Variants in PKHD1 observed in about 807,000 individuals in gnomAD.
PKHD1 encodes fibrocystin.
In PKHD1, 291 loss-of-function variants were observed where a neutral mutation model predicts 412.0. The ratio of observed to expected loss-of-function variants is 0.71; its 90% CI spans 0.64 to 0.78. The LOEUF is 0.78. Among genes scored for constraint, PKHD1 ranks in the 30% least tolerant of loss-of-function variants. The pLI is 0.00. For synonymous variants in PKHD1, 1,777 were observed against 1,821.5 expected (o/e 0.98, Z 0.62); for missense variants, 4,825 against 4,950.7 (o/e 0.97, Z 0.76).
At chr6:51,981,304 GC>G (rs1795117132) in intron 35 of PKHD1, among the ~76,000 whole-genome samples, 2 of 22,008 alleles carry the variant, frequency 9.1e-5, no homozygotes, top group Non-Finnish European at 3.0e-4. Context: ...AGGCTCCAAA[GC>G]TCAAGCTCTC....
intron 36 of PKHD1, among the ~76,000 whole-genome samples, chr6:51,950,138 A>T (rs1790087376): frequency 6.7e-6 from 1 of 149,470 alleles, no homozygotes; most frequent in Non-Finnish European, 1.5e-5. Flanking sequence ...AGAATCAGAC[A>T]CCTCCCCAGA....
chr6:51,888,988 G>A (rs1010735395), intron 43 of PKHD1, among the ~76,000 whole-genome samples: 1 of 151,894 alleles, frequency 6.6e-6, no homozygotes, highest in African/African-American at 2.4e-5. Context: ...CTCTCAGTCT[G>A]AGTGGTTGTC....
intron 62 of PKHD1, 21 bp from the exon 63 acceptor site, chr6:51,648,139 AG>A (rs1770370253): frequency 1.5e-6 from 2 of 1,356,974 alleles, no homozygotes; most frequent in Non-Finnish European, 2.1e-6. Flanking sequence ...GAATAGGAGG[AG>A]GGAGGAAGAA....
In PKHD1 at chr6:51,959,858, A is replaced by G. The variant is rs1791734140; in HGVS notation, c.5908+12T>C. The G allele has an allele frequency of 6.2e-7, 1 of 1,610,902 alleles. No individual in the cohort carries two copies. Among genetic ancestry groups the G allele is most frequent in the East Asian group, 2.2e-5 (1 of 44,844 alleles). The stretch of plus-strand genomic sequence containing the variant: ...TATAGAATAATATTACCAACCTACA[A>G]ACTTCACACACCTTTAATGTGCAGT... On this transcript the variant is annotated intron_variant, in intron 36 of 66. Transcript: ENST00000371117.
intron 35 of PKHD1, among the ~76,000 whole-genome samples, chr6:51,989,897 G>GAAGGAAAGAAGGAAGGAAGAAAGGA (rs1296315116): frequency 1.1e-4 from 1 of 9,440 alleles, no homozygotes; most frequent in Non-Finnish European, 2.2e-4. Flanking sequence ...AGGAAGGAAG[G>GAAGGAAAGAAGGAAGGAAGAAAGGA]AGGGAGGAAG....
At chr6:51,762,683 C>A (rs1294534144) in intron 55 of PKHD1, among the ~76,000 whole-genome samples, 3 of 148,960 alleles carry the variant, frequency 2.0e-5, no homozygotes, top group Non-Finnish European at 4.5e-5. Flanking sequence ...GTATCAAATT[C>A]TTTTGGTGAA....
intron 60 of PKHD1, among the ~76,000 whole-genome samples, chr6:51,698,243 G>A (rs751715303): frequency 2.5e-4 from 38 of 152,240 alleles, no homozygotes; most frequent in Non-Finnish European, 3.8e-4. Flanking sequence ...ATTCCCATTC[G>A]TACAGACTCA....
intron 60 of PKHD1, among the ~76,000 whole-genome samples, chr6:51,710,342 G>T (rs181926871): frequency 2.0e-5 from 3 of 152,018 alleles, no homozygotes; most frequent in Admixed American, 6.6e-5. Flanking sequence ...AGTGGATAAG[G>T]CTCCTTTGAA....
chr6:51,635,991 C>T (rs1350323966), intron 64 of PKHD1, among the ~76,000 whole-genome samples: 1 of 152,002 alleles, frequency 6.6e-6, no homozygotes, highest in Non-Finnish European at 1.5e-5. Flanking sequence ...CCACAGCCTA[C>T]ACCATGGTAA....
chr6:51,884,649 ATT>A (rs1302329925), intron 45 of PKHD1, among the ~76,000 whole-genome samples: 1 of 152,082 alleles, frequency 6.6e-6, no homozygotes, highest in Admixed American at 6.6e-5. Context: ...GTAGTTCTGT[ATT>A]TTTTTCCTTC....
At chr6:51,780,723 T>C (rs1791849131) in intron 53 of PKHD1, among the ~76,000 whole-genome samples, 1 of 152,170 alleles carries the variant, frequency 6.6e-6, no homozygotes, top group Non-Finnish European at 1.5e-5. Flanking sequence ...AAATTTGTTG[T>C]ATATGTGTGT....
At position 51,758,047 on chromosome 6, in the gene PKHD1, AGAG is replaced by A. The variant is rs1562245940; in HGVS notation, c.8643-3112_8643-3110del. The stretch of plus-strand genomic sequence containing the variant: ...GAGAGAGAGAGAGAGAGAGAGAGAG[AGAG>A]AGAAAACAAAGCAAACAGGAAAAAA... On this transcript the variant is annotated intron_variant, in intron 55 of 66. Transcript: ENST00000371117. Among the ~76,000 whole-genome samples the A allele has an allele frequency of 8.1e-4, 123 of 151,086 alleles. 1 individual carries two copies. The highest frequency in any genetic ancestry group is 2.6e-3 in the African/African-American group (106 of 41,174).
rs1415728896 is a variant in PKHD1, at chr6:52,065,164, T to TAG, written c.881-115_881-114insCT. On this transcript the variant is annotated intron_variant, in intron 12 of 66. Transcript: ENST00000371117. The stretch of plus-strand genomic sequence containing the variant: ...ATATATATATATATATATATATATA[T>TAG]ATATAGAGAGAGAGAGAGAGAGAGA... 4.0e-3 allele frequency: 231 copies of TAG among 57,616 alleles called. 3 individuals carry two copies. The highest frequency in any genetic ancestry group is 0.025 in the East Asian group (43 of 1,746). The allele number at this position is 57,616 out of a possible 1,614,324, so 3.6% of individuals were successfully genotyped here. A position where few individuals can be genotyped will look rare whatever the true frequency, so the allele number is the denominator to read the frequency against.
intron 35 of PKHD1, among the ~76,000 whole-genome samples, chr6:51,970,920 T>G (rs1389439246): frequency 2.0e-5 from 3 of 152,224 alleles, no homozygotes; most frequent in Non-Finnish European, 4.4e-5. Context: ...TTAGGATTGC[T>G]TTGGCTAGTT....
intron 37 of PKHD1, among the ~76,000 whole-genome samples, chr6:51,926,876 G>C (rs965634771): frequency 2.0e-5 from 3 of 152,152 alleles, no homozygotes; most frequent in Admixed American, 1.3e-4. Flanking sequence ...AGAGGACATA[G>C]AGCCAAGGGT....
At chr6:51,937,007 G>C (rs139893633) in intron 36 of PKHD1, among the ~76,000 whole-genome samples, 139 of 152,262 alleles carry the variant, frequency 9.1e-4, no homozygotes, top group African/African-American at 3.3e-3. Context: ...TAAGAGTCTG[G>C]AACCTTTTTA....
chr6:51,677,155 T>C (rs1460216104), intron 60 of PKHD1, among the ~76,000 whole-genome samples: 1 of 152,172 alleles, frequency 6.6e-6, no homozygotes, highest in South Asian at 2.1e-4. Flanking sequence ...ACAAGTAATA[T>C]GAGAAACTTA....
intron 36 of PKHD1, among the ~76,000 whole-genome samples, chr6:51,952,311 C>T (rs1302856611): frequency 3.3e-5 from 5 of 152,174 alleles, no homozygotes; most frequent in Non-Finnish European, 5.9e-5. Flanking sequence ...AATCCACTAA[C>T]ATTTGAGGGT....
At chr6:52,006,146 G>A (rs1490579342) in intron 35 of PKHD1, among the ~76,000 whole-genome samples, 4 of 151,026 alleles carry the variant, frequency 2.6e-5, no homozygotes, top group Admixed American at 6.6e-5. Flanking sequence ...ACTGCCTCAC[G>A]CCCTCCCATC....
Sources: gnomAD v4.1 joint callset for allele counts (sites outside exome capture counted in the v4.1 genomes callset) on GRCh38, gnomAD v4.1.1 for gene constraint, MANE v1.5 for transcripts, NCBI Gene and HGNC (gene_info 2026-07-23, HGNC 2026-07-21) for gene names.